The following RUFY1 variants were observed in gnomAD, a reference collection of about 807,000 sequenced individuals.
The protein encoded by RUFY1 is RUN and FYVE domain-containing protein 1.
A neutral mutation model predicts 94.6 loss-of-function variants in RUFY1; 54 were observed. The observed-to-expected ratio is 0.57, with a 90% confidence interval of 0.46 to 0.72. RUFY1 has a LOEUF of 0.72. Ranked by LOEUF, RUFY1 falls within the 30% of genes least tolerant of loss-of-function variation. RUFY1 has a pLI of 0.00. For synonymous variants in RUFY1, 396 were observed against 347.3 expected (o/e 1.14, Z -1.56); for missense variants, 883 against 883.9 (o/e 1.00, Z 0.01).
chr5:179,560,747 A>G (rs1411148177), intron 2 of RUFY1, among the ~76,000 whole-genome samples: 1 of 151,490 alleles, frequency 6.6e-6, no homozygotes, highest in African/African-American at 2.4e-5. Flanking sequence ...AAAAAAAGAA[A>G]AAAGAAAAAA....
chr5:179,581,920 A>C (rs960612907), intron 7 of RUFY1, among the ~76,000 whole-genome samples: 4 of 151,988 alleles, frequency 2.6e-5, no homozygotes, highest in African/African-American at 9.7e-5. Flanking sequence ...CCTGGGCTCA[A>C]GCAATCCTCC....
intron 2 of RUFY1, 25 bp downstream of exon 2, chr5:179,560,223 G>A (rs369108890): frequency 1.5e-5 from 24 of 1,606,334 alleles, no homozygotes; most frequent in Non-Finnish European, 2.0e-5. Flanking sequence ...GCGTTTGGGA[G>A]CGTGGAAGTT....
chr5:179,606,197 G>C, intron 16 of RUFY1: 1 of 524,582 alleles, frequency 1.9e-6, no homozygotes, highest in Non-Finnish European at 3.4e-6. Flanking sequence ...TTCCCTAAGG[G>C]GGAAGCAGGT....
At chr5:179,557,220 G>A (rs1054973015) in intron 1 of RUFY1, among the ~76,000 whole-genome samples, 1 of 152,158 alleles carries the variant, frequency 6.6e-6, no homozygotes, top group Non-Finnish European at 1.5e-5. Flanking sequence ...CCTGAGGTCA[G>A]GAGTTCGAGA....
intron 14 of RUFY1, among the ~76,000 whole-genome samples, chr5:179,600,834 T>C (rs1010065968): frequency 6.6e-6 from 1 of 151,582 alleles, no homozygotes; most frequent in Non-Finnish European, 1.5e-5. Context: ...GTAGTTGGGA[T>C]TGCAGGCATG....
At chr5:179,552,571 T>G (rs907466054) in intron 1 of RUFY1, among the ~76,000 whole-genome samples, 18 of 152,184 alleles carry the variant, frequency 1.2e-4, no homozygotes, top group Non-Finnish European at 1.2e-4. Context: ...CTTGACACCT[T>G]TTCCCGAGAC....
At chr5:179,594,985 A>G (rs201602716) in intron 12 of RUFY1, 22 bp downstream of exon 12, 2 of 1,500,042 alleles carry the variant, frequency 1.3e-6, no homozygotes, top group East Asian at 2.3e-5. Flanking sequence ...CCCCTGGCAG[A>G]TATTCTCGGG....
chr5:179,598,507 C>T (rs760032461), intron 13 of RUFY1, among the ~76,000 whole-genome samples, 185 bp from the exon 14 acceptor site: 1 of 152,182 alleles, frequency 6.6e-6, no homozygotes, highest in East Asian at 1.9e-4. Flanking sequence ...CTTTTCTCTC[C>T]CTGGTTCCTG....
chr5:179,609,496 C>G lies in RUFY1; in HGVS notation c.2104C>G (p.Arg702Gly). The change falls in exon 18 of 18, where the codon CGC (arginine) becomes GGC (glycine). Residue 702 changes from arginine to glycine, a missense_variant. Arg to Gly is a moderately radical substitution (Grantham distance 125). Coordinates refer to ENST00000319449, the MANE Select transcript of RUFY1 (RefSeq NM_025158.5). ...CDSCHTLLLQ[R>G]CSSTAS ...CAGCTGCCACACCCTGCTCCTGCAG[C>G]GCTGCTCCTCCACGGCCTCCTGAAC... The G allele has an allele frequency of 6.2e-7, 1 of 1,608,050 alleles. No individual in the cohort carries two copies. The highest frequency in any genetic ancestry group is 8.5e-7 in the Non-Finnish European group (1 of 1,179,218).
intron 2 of RUFY1, among the ~76,000 whole-genome samples, chr5:179,561,592 A>T (rs144942721): frequency 1.8e-3 from 279 of 152,088 alleles, no homozygotes; most frequent in African/African-American, 6.5e-3. Context: ...AACAAAAAAA[A>T]ATAAATCCTT....
intron 1 of RUFY1, among the ~76,000 whole-genome samples, chr5:179,556,747 G>A (rs10064596): frequency 0.39 from 58,826 of 151,874 alleles, 11,837 homozygotes; most frequent in East Asian, 0.69. Flanking sequence ...TGATCTGCCT[G>A]CCTCAGCCTC....
In RUFY1 at chr5:179,598,795, C is replaced by T. The variant is rs759934940; in HGVS notation, c.1735C>T (p.Leu579=). The change falls in exon 14 of 18, where the codon CTG becomes TTG. Residue 579 remains leucine, a synonymous_variant. Coordinates refer to ENST00000319449, the MANE Select transcript of RUFY1 (RefSeq NM_025158.5). The stretch of plus-strand genomic sequence containing the variant: ...CACTTCCTCTCTACTCAGGATGGAG[C>T]TGCAACAAGTGGAAGGACTGAAAAA... ...KDTSSLLRME[L]QQVEGLKKEL... 6.2e-7 allele frequency: 1 copy of T among 1,614,210 alleles called. No homozygotes were observed. The highest frequency in any genetic ancestry group is 8.5e-7 in the Non-Finnish European group (1 of 1,180,036).
chr5:179,559,813 TG>T, intron 1 of RUFY1: 1 of 1,324,042 alleles, frequency 7.6e-7, no homozygotes, highest in Admixed American at 3.6e-5. Flanking sequence ...GTGGCTCTTC[TG>T]ACCCAAGGCC....
At chr5:179,554,384 A>T (rs1451717908) in intron 1 of RUFY1, among the ~76,000 whole-genome samples, 1 of 151,924 alleles carries the variant, frequency 6.6e-6, no homozygotes, top group African/African-American at 2.4e-5. Context: ...TAAAAATACA[A>T]AATTAGCCAG....
chr5:179,562,511 T>C, intron 2 of RUFY1, 36 bp from the exon 3 acceptor site: 1 of 1,351,814 alleles, frequency 7.4e-7, no homozygotes, highest in Non-Finnish European at 1.1e-6. Flanking sequence ...TTTTGCAACC[T>C]GTTCTTATGA....
At chr5:179,606,880 A>C (rs1047134952) in intron 16 of RUFY1, 1 of 152,596 alleles carries the variant, frequency 6.6e-6, no homozygotes, top group African/African-American at 2.4e-5. Flanking sequence ...TTAACAGGCC[A>C]GAAAAGTACC....
At chr5:179,574,992 TATA>T (rs757356350) in intron 5 of RUFY1, among the ~76,000 whole-genome samples, 3 of 151,842 alleles carry the variant, frequency 2.0e-5, no homozygotes, top group Non-Finnish European at 4.4e-5. Flanking sequence ...TACCAAAGTA[TATA>T]ATGTGAAAAG....
intron 13 of RUFY1, 143 bp from the exon 14 acceptor site, chr5:179,598,549 A>AAGGGCAGGTGACCCTGGG: frequency 2.3e-6 from 2 of 885,960 alleles, no homozygotes; most frequent in Non-Finnish European, 3.6e-6. Context: ...GTGACCCTGG[A>AAGGGCAGGTGACCCTGGG]GGAGAGGGAA....
intron 17 of RUFY1, among the ~76,000 whole-genome samples, chr5:179,609,088 G>A (rs1327889277): frequency 2.0e-5 from 3 of 151,022 alleles, no homozygotes; most frequent in South Asian, 2.1e-4. Context: ...GTATAGTGGC[G>A]GGCACCTGTA....
Sources: allele counts gnomAD v4.1 joint callset (sites outside exome capture counted in the v4.1 genomes callset), GRCh38; gene constraint gnomAD v4.1.1; transcripts MANE v1.5; gene names NCBI Gene and HGNC (gene_info 2026-07-23, HGNC 2026-07-21).